The following LIMK1 variants were observed in gnomAD, a reference collection of about 807,000 sequenced individuals.
The protein encoded by LIMK1 is LIM motif-containing protein kinase.
In LIMK1, 21 loss-of-function variants were observed where a neutral mutation model predicts 77.6. That is an observed-to-expected ratio of 0.27 (90% confidence interval 0.19 to 0.39). The LOEUF is 0.39. LIMK1 is among the 10% of genes least tolerant of loss of function. The pLI, the probability that LIMK1 is intolerant of heterozygous loss-of-function variation, is 1.00. For missense variants in LIMK1, 696 were observed against 901.6 expected (o/e 0.77, Z 2.92); for synonymous variants, 358 against 370.0 (o/e 0.97, Z 0.37).
intron 9 of LIMK1, 37 bp downstream of exon 9, chr7:74,107,994 C>A: frequency 7.1e-7 from 1 of 1,414,322 alleles, no homozygotes; most frequent in Non-Finnish European, 9.8e-7. Context: ...TCCAGAGGGA[C>A]TTCCAGGTGC....
intron 2 of LIMK1, among the ~76,000 whole-genome samples, chr7:74,087,653 G>T (rs74326730): frequency 3.3e-5 from 5 of 152,050 alleles, no homozygotes; most frequent in African/African-American, 1.2e-4. Flanking sequence ...GCAGTGGCGC[G>T]ATCCCTCCTC....
rs1439788513 is a variant in LIMK1 at position 74,099,065 on chromosome 7, C to T, written c.435C>T (p.Pro145=). ...GCTACTACCAGACTGTGGTGACCCC[C>T]GTCATCGAGCAGATCCTGCCTGACT... ...GHCYYQTVVT[P]VIEQILPDSP... The change falls in exon 5 of 16, where the codon CCC becomes CCT. Residue 145 remains proline, a synonymous_variant. Coordinates refer to ENST00000336180, the MANE Select transcript of LIMK1 (RefSeq NM_002314.4). 6.8e-6 allele frequency: 11 copies of T among 1,612,998 alleles called. No homozygotes were observed. The highest frequency in any genetic ancestry group is 2.2e-5 in the South Asian group (2 of 91,076).
At chr7:74,097,840 A>G (rs1187757714) in intron 4 of LIMK1, among the ~76,000 whole-genome samples, 5 of 152,130 alleles carry the variant, frequency 3.3e-5, no homozygotes, top group African/African-American at 1.2e-4. Flanking sequence ...TCCCCAACCC[A>G]CTCACACTTC....
rs35254348 is a variant in LIMK1, at chr7:74,091,954, C to CTTT, written c.153-4641_153-4639dup. On this transcript the variant is annotated intron_variant, in intron 2 of 15. Transcript: ENST00000336180. ...GTGGAAGGTGCCGTTGGCTGTACAG[C>CTTT]TTTTTTTTTTTTTTTTTTTTTTTTT... is the stretch of plus-strand genomic sequence containing the variant. Among the ~76,000 whole-genome samples the CTTT allele has an allele frequency of 6.8e-4, 55 of 80,648 alleles. 4 individuals carry two copies. The highest frequency in any genetic ancestry group is 1.1e-3 in the Non-Finnish European group (50 of 44,862). 52.9% of individuals were successfully genotyped at this position (80,648 alleles called of 152,430 possible). A position where few individuals can be genotyped will look rare whatever the true frequency, so the allele number is the denominator to read the frequency against.
intron 2 of LIMK1, among the ~76,000 whole-genome samples, chr7:74,091,242 G>A (rs1554694731): frequency 1.3e-5 from 2 of 151,622 alleles, no homozygotes; most frequent in African/African-American, 4.8e-5. Context: ...GCGATTTTAA[G>A]GCCAAGGCTG....
intron 6 of LIMK1, 44 bp downstream of exon 6, chr7:74,106,024 C>T (rs1799565164): frequency 6.2e-7 from 1 of 1,612,402 alleles, no homozygotes; most frequent in Non-Finnish European, 8.5e-7. Context: ...GTAGTGCCTT[C>T]ATGCCTAGCC....
At chr7:74,116,269 GTAAT>G (rs57386464) in intron 13 of LIMK1, among the ~76,000 whole-genome samples, 128,142 of 152,046 alleles carry the variant, frequency 0.84, 54,921 homozygotes, top group Middle Eastern at 0.93. Context: ...GGTGGTGGGT[GTAAT>G]CCCAGTACTG....
intron 13 of LIMK1, among the ~76,000 whole-genome samples, chr7:74,117,342 G>A (rs1799836999): frequency 6.6e-6 from 1 of 151,916 alleles, no homozygotes; most frequent in Non-Finnish European, 1.5e-5. Context: ...GACCCTTACG[G>A]TGACATTGGG....
Position 74,096,703 on chromosome 7 carries a change from C to T in LIMK1, c.234C>T (p.Ala78=), listed in dbSNP as rs1441413034. 1 of 1,613,840 alleles carries T rather than the reference C, an allele frequency of 6.2e-7. No individual in the cohort carries two copies. The highest frequency in any genetic ancestry group is 8.5e-7 in the Non-Finnish European group (1 of 1,179,968). Residue 78 remains alanine, a synonymous_variant, in exon 3 of 16, where the codon GCC becomes GCT. Coordinates refer to ENST00000336180, the MANE Select transcript of LIMK1 (RefSeq NM_002314.4). ...TCTTCTGCAAGAAGGACTACTGGGC[C>T]CGCTATGGCGAGTCCTGCCATGGGT... ...GQLFCKKDYW[A]RYGESCHGCS...
At chr7:74,114,110 C>T (rs533511831) in intron 12 of LIMK1, among the ~76,000 whole-genome samples, 26 of 151,914 alleles carry the variant, frequency 1.7e-4, no homozygotes, top group Non-Finnish European at 2.4e-4. Context: ...ATTAGCTGGG[C>T]GTGGTGGTGG....
rs2115732361 is a variant in LIMK1, at chr7:74,111,992, C to A, written c.1404C>A (p.Val468=). 6.2e-7 allele frequency: 1 copy of A among 1,608,826 alleles called. No homozygotes were observed. ...HRDLNSHNCL[V]RENKNVVVAD... is the part of the protein sequence containing the mutation. Reference sequence around the variant, plus strand: ...ACCTCAACTCCCACAACTGCCTGGTCCGCGAGGTGAGTACCAGGGCCCCAC... The same window carrying A: ...ACCTCAACTCCCACAACTGCCTGGTACGCGAGGTGAGTACCAGGGCCCCAC... The change falls in exon 12 of 16, where the codon GTC becomes GTA. Residue 468 remains valine (V), a synonymous_variant. Transcript: ENST00000336180.
rs781951381 is a variant in LIMK1, at chr7:74,109,089, G to A, written c.1284+53G>A. On this transcript the variant is annotated intron_variant, in intron 10 of 15. Coordinates refer to ENST00000336180, the MANE Select transcript of LIMK1 (RefSeq NM_002314.4). Reference sequence around the variant, plus strand: ...CCGCTGTGCGGCCCCGGGCAAAGCAGCTCCCTCTGTGAGCCTCAGTCTCAT... The same window carrying A: ...CCGCTGTGCGGCCCCGGGCAAAGCAACTCCCTCTGTGAGCCTCAGTCTCAT... The A allele has an allele frequency of 2.0e-5, 28 of 1,420,052 alleles. No homozygotes were observed. In the South Asian group the frequency reaches 2.3e-4, roughly 12 times the overall value. The allele number at this position is 1,420,052 out of a possible 1,614,324, so 88.0% of individuals were successfully genotyped here. A position where few individuals can be genotyped will look rare whatever the true frequency, so the allele number is the denominator to read the frequency against.
intron 4 of LIMK1, among the ~76,000 whole-genome samples, chr7:74,098,269 CA>C (rs1449621187): frequency 3.3e-5 from 5 of 152,190 alleles, no homozygotes; most frequent in Non-Finnish European, 7.3e-5. Flanking sequence ...TCATGAATAA[CA>C]AAGATACCCC....
chr7:74,116,983 G>A (rs548694239), intron 13 of LIMK1, among the ~76,000 whole-genome samples: 13 of 152,056 alleles, frequency 8.5e-5, no homozygotes, highest in African/African-American at 2.7e-4. Context: ...CTGGGTTCAC[G>A]CCATTCTCCT....
At chr7:74,108,028 GTCGGAAAAGGGC>G in intron 9 of LIMK1, 71 bp downstream of exon 9, 2 of 1,106,028 alleles carry the variant, frequency 1.8e-6, no homozygotes, top group Middle Eastern at 2.0e-4. Context: ...ATCAACACAG[GTCGGAAAAGGGC>G]TCTGGGAACC....
chr7:74,093,930 G>GGGGCAA (rs1799287080), intron 2 of LIMK1: 1 of 152,472 alleles, frequency 6.6e-6, no homozygotes, highest in Admixed American at 6.5e-5. Flanking sequence ...GGCAGGGGCA[G>GGGGCAA]GGACAGGAAC....
At chr7:74,108,759 G>A in intron 9 of LIMK1, 146 bp from the exon 10 acceptor site, 6 of 1,303,036 alleles carry the variant, frequency 4.6e-6, no homozygotes, top group South Asian at 3.0e-5. Context: ...ACGCCAGAGG[G>A]TGTGGCAGAG....
intron 13 of LIMK1, among the ~76,000 whole-genome samples, chr7:74,120,028 C>T (rs1372701396): frequency 9.2e-5 from 14 of 152,174 alleles, no homozygotes; most frequent in Admixed American, 9.2e-4. Context: ...TTGCCTCTTC[C>T]ACCTTCTGGT....
At chr7:74,094,375 G>A (rs1278446455) in intron 2 of LIMK1, 1 of 152,342 alleles carries the variant, frequency 6.6e-6, no homozygotes, top group African/African-American at 2.4e-5. Context: ...ACCAGTAGCA[G>A]TTTCCAGGTT....
Sources: allele counts gnomAD v4.1 joint callset (sites outside exome capture counted in the v4.1 genomes callset), GRCh38; gene constraint gnomAD v4.1.1; transcripts MANE v1.5; gene names NCBI Gene and HGNC (gene_info 2026-07-23, HGNC 2026-07-21).